The following DOCK3 variants were observed in gnomAD, a reference collection of about 807,000 sequenced individuals.
The protein encoded by DOCK3 is dedicator of cytokinesis 3.
Under a neutral mutation model 265.6 loss-of-function variants are expected in DOCK3, and 60 were observed. That is an observed-to-expected ratio of 0.23 (90% CI 0.18 to 0.28). The LOEUF is 0.28. DOCK3 is among the 10% of genes least tolerant of loss of function. The pLI is 1.00. For missense variants in DOCK3, 1,981 were observed against 2,594.3 expected (o/e 0.76, Z 5.14); for synonymous variants, 881 against 938.0 (o/e 0.94, Z 1.11).
chr3:50,974,019 A>T (rs1471640027), intron 5 of DOCK3, among the ~76,000 whole-genome samples: 3 of 150,068 alleles, frequency 2.0e-5, no homozygotes, highest in Non-Finnish European at 3.0e-5. Flanking sequence ...GTTTGAGTTC[A>T]TTGTAGATTG....
chr3:51,249,137 T>G (rs13079732), intron 22 of DOCK3, among the ~76,000 whole-genome samples: 1 of 136,438 alleles, frequency 7.3e-6, no homozygotes, highest in Admixed American at 7.0e-5. Context: ...AGCCGCCCCG[T>G]CCGGGAGGGA....
intron 1 of DOCK3, among the ~76,000 whole-genome samples, chr3:50,719,268 C>CTTTTTTTTTTTTTTTTTGTTTTTTTTTT (rs71084106): frequency 7.2e-6 from 1 of 138,672 alleles, no homozygotes; most frequent in Non-Finnish European, 1.6e-5. Context: ...TAGATATTTT[C>CTTTTTTTTTTTTTTTTTGTTTTTTTTTT]TTTTTTTTTT....
At chr3:51,002,333 T>A (rs758116696) in intron 5 of DOCK3, among the ~76,000 whole-genome samples, 8 of 152,194 alleles carry the variant, frequency 5.3e-5, no homozygotes, top group Non-Finnish European at 1.2e-4. Context: ...TTTTCCTATA[T>A]TCTGGGTATT....
rs113815099 is a variant in DOCK3 at position 50,821,147 on chromosome 3, T to C, written c.122-20528T>C. Among the ~76,000 whole-genome samples, 449 of 120,774 alleles carry C rather than the reference T, an allele frequency of 3.7e-3. 9 individuals carry two copies. The East Asian group carries it at 0.08, about 22-fold the overall frequency. 79.2% of individuals were successfully genotyped at this position (120,774 alleles called of 152,430 possible). ...TTTCTTTCTTTCTTTTTTCTTTTTT[T>C]TTTTTTTTTTTGCTGTGCAGAAGAA... On this transcript the variant is annotated intron_variant, in intron 2 of 52. Transcript: ENST00000266037.
At chr3:51,044,274 G>A (rs931184034) in intron 5 of DOCK3, among the ~76,000 whole-genome samples, 2 of 152,134 alleles carry the variant, frequency 1.3e-5, no homozygotes, top group African/African-American at 4.8e-5. Flanking sequence ...TATGTCCTTT[G>A]TAGGGACATG....
intron 46 of DOCK3, 126 bp from the exon 47 acceptor site, chr3:51,360,385 T>C: frequency 7.8e-7 from 1 of 1,289,694 alleles, no homozygotes; most frequent in South Asian, 1.5e-5. Flanking sequence ...CAGTTCAGGT[T>C]CAGCCAACCA....
intron 5 of DOCK3, among the ~76,000 whole-genome samples, chr3:51,042,052 A>G (rs2109037670): frequency 6.6e-6 from 1 of 152,346 alleles, no homozygotes; most frequent in Middle Eastern, 3.4e-3. Context: ...AAAAAATTGA[A>G]AAGGAAGGAC....
At chr3:51,205,971 C>G (rs2089186113) in intron 12 of DOCK3, among the ~76,000 whole-genome samples, 1 of 152,104 alleles carries the variant, frequency 6.6e-6, no homozygotes, top group Non-Finnish European at 1.5e-5. Context: ...TTGAAGCTAC[C>G]AGGAGTTTCT....
intron 1 of DOCK3, among the ~76,000 whole-genome samples, chr3:50,706,908 G>C (rs997086700): frequency 4.6e-5 from 7 of 152,092 alleles, no homozygotes; most frequent in Non-Finnish European, 1.5e-5. Flanking sequence ...GGCCTGATAG[G>C]AAGTGATTGG....
rs753653325 is a variant in DOCK3, at chr3:51,275,131, G to C, written c.2601G>C (p.Leu867=). The change falls in exon 25 of 53, where the codon CTG becomes CTC. Residue 867 remains leucine, a synonymous_variant. Transcript: ENST00000266037. ...PVVLHHIHLH[L]RQQKELLICS... ...TTCTCCATCACATTCACCTTCACCTGAGGCAGCAGAAAGAGCTGCTAATTT... is the reference window on the plus strand; with the variant it reads ...TTCTCCATCACATTCACCTTCACCTCAGGCAGCAGAAAGAGCTGCTAATTT... The C allele has an allele frequency of 1.9e-6, 3 of 1,613,852 alleles. No homozygotes were observed. Among genetic ancestry groups the C allele is most frequent in the Non-Finnish European group, 2.5e-6 (3 of 1,179,890 alleles).
At chr3:50,696,361 C>A (rs559656608) in intron 1 of DOCK3, among the ~76,000 whole-genome samples, 1 of 152,236 alleles carries the variant, frequency 6.6e-6, no homozygotes, top group Non-Finnish European at 1.5e-5. Context: ...GGATGCTGGA[C>A]ACAGAACAGT....
chr3:51,359,336 A>G lies in DOCK3; in HGVS notation c.4885-1175A>G, dbSNP rs530123739. On this transcript the variant is annotated intron_variant, in intron 46 of 52. Transcript: ENST00000266037. This position sits in a 1 kb window ranked among gnomAD's most constrained non-coding sequence, Gnocchi z 4.8. The stretch of plus-strand genomic sequence containing the variant: ...AGAAGCTTGTTGTAGTTTGAGAGGT[A>G]GGGGCACATTTTCCAGAGGAAAGCC... 2.0e-5 allele frequency among the ~76,000 whole-genome samples: 3 copies of G among 152,368 alleles called. No individual in the cohort carries two copies. Among genetic ancestry groups the G allele is most frequent in the African/African-American group, 7.2e-5 (3 of 41,590 alleles).
intron 5 of DOCK3, among the ~76,000 whole-genome samples, chr3:51,044,468 C>T (rs931011731): frequency 3.3e-5 from 5 of 151,614 alleles, no homozygotes; most frequent in Non-Finnish European, 4.4e-5. Context: ...TCAGGAAAAA[C>T]GACTAATGGG....
chr3:50,886,208 A>ATATATATG lies in DOCK3; in HGVS notation c.163-3817_163-3816insATATATGT, dbSNP rs1399056611. Among the ~76,000 whole-genome samples, 127 of 136,912 alleles carry ATATATATG rather than the reference A, an allele frequency of 9.3e-4. 5 individuals carry two copies. The highest frequency in any genetic ancestry group is 3.6e-3 in the Middle Eastern group (1 of 276). 89.8% of individuals were successfully genotyped at this position (136,912 alleles called of 152,430 possible). A position where few individuals can be genotyped will look rare whatever the true frequency, so the allele number is the denominator to read the frequency against. ...TGGAGATATATATATATATATATAT[A>ATATATATG]TTCCAGAGTTTTTAGGTATGCACTA... On this transcript the variant is annotated intron_variant, in intron 3 of 52. Coordinates refer to ENST00000266037, the MANE Select transcript of DOCK3 (RefSeq NM_004947.5).
intron 12 of DOCK3, among the ~76,000 whole-genome samples, chr3:51,192,690 T>C (rs933316714): frequency 2.1e-4 from 32 of 152,052 alleles, no homozygotes; most frequent in Non-Finnish European, 2.9e-4. Flanking sequence ...ATTTGTGATA[T>C]AATCTTGAGT....
chr3:50,989,425 A>G (rs2078024869), intron 5 of DOCK3, among the ~76,000 whole-genome samples: 1 of 152,166 alleles, frequency 6.6e-6, no homozygotes, highest in African/African-American at 2.4e-5. Flanking sequence ...TTGAGCGGGA[A>G]CATGGCTGCA....
intron 27 of DOCK3, among the ~76,000 whole-genome samples, chr3:51,288,965 T>A (rs1057238074): frequency 2.7e-5 from 4 of 150,444 alleles, no homozygotes; most frequent in African/African-American, 7.4e-5. Context: ...GTGGAGGAAG[T>A]AAAGAGACAG....
At chr3:50,741,968 T>C (rs1484864764) in intron 1 of DOCK3, among the ~76,000 whole-genome samples, 1 of 152,222 alleles carries the variant, frequency 6.6e-6, no homozygotes, top group Non-Finnish European at 1.5e-5. Context: ...ATTGCCATTC[T>C]AACTGGCGTG....
chr3:51,357,707 TAAG>T, intron 44 of DOCK3, 48 bp from the exon 45 acceptor site: 2 of 1,599,138 alleles, frequency 1.3e-6, no homozygotes, highest in Middle Eastern at 3.7e-4. Context: ...GGGCCCCACT[TAAG>T]TAGTAGTCCT....
Sources: allele counts gnomAD v4.1 joint callset (sites outside exome capture counted in the v4.1 genomes callset), GRCh38; gene constraint gnomAD v4.1.1; non-coding constraint Gnocchi (gnomAD v3.1); transcripts MANE v1.5; gene names NCBI Gene and HGNC (gene_info 2026-07-23, HGNC 2026-07-21).